Variants in UCKL1 observed in about 807,000 individuals in gnomAD.
UCKL1 encodes uridine-cytidine kinase-like 1.
In UCKL1, 65 loss-of-function variants were observed where a neutral mutation model predicts 59.2. The ratio of observed to expected loss-of-function variants is 1.10; its 90% CI spans 0.90 to 1.35. The LOEUF is 1.35. Ranked by LOEUF, UCKL1 falls within the 40% of genes most tolerant of loss-of-function variation. The pLI, the probability that UCKL1 is intolerant of heterozygous loss-of-function variation, is 0.00. For missense variants in UCKL1, 703 were observed against 784.3 expected, an observed-to-expected ratio of 0.90 and a Z score of 1.24; for synonymous variants, 410 against 323.1, an observed-to-expected ratio of 1.27 and a Z score of -2.88.
chr20:63,945,982 G>A lies in UCKL1; in HGVS notation c.412-7C>T, dbSNP rs768526576. ...GCTGCTGCTCAGTCAGCACCTGGTG[G>A]GGGAGGCTGTGGAGCAGCTGTGGGC... On this transcript the variant is annotated splice_region_variant and splice_polypyrimidine_tract_variant and intron_variant, in intron 3 of 14. Transcript: ENST00000354216. The A allele has an allele frequency of 3.1e-6, 5 of 1,613,586 alleles. No individual in the cohort carries two copies. In the Admixed American group the frequency reaches 8.3e-5, roughly 27 times the overall value.
At chr20:63,948,579 AT>A (rs1300463095) in intron 1 of UCKL1, 1 of 4,996 alleles carries the variant, frequency 2.0e-4, no homozygotes, top group Non-Finnish European at 5.1e-4. Flanking sequence ...GAGGGAGGGG[AT>A]GTGTGTGAGA....
chr20:63,941,241 G>A lies in UCKL1; in HGVS notation c.924-33C>T, dbSNP rs573045144. On this transcript the variant is annotated intron_variant, in intron 8 of 14. Coordinates refer to ENST00000354216, the MANE Select transcript of UCKL1 (RefSeq NM_017859.4). ...CAAACCGATGGGGAACACTCAAGAAGGGGGTCTTTTCCCAGAGCCCTCCCT... is the reference window on the plus strand; with the variant it reads ...CAAACCGATGGGGAACACTCAAGAAAGGGGTCTTTTCCCAGAGCCCTCCCT... 2.7e-6 allele frequency: 4 copies of A among 1,469,844 alleles called. No individual in the cohort carries two copies. The South Asian group carries it at 4.1e-5, about 15-fold the overall frequency. The allele number at this position is 1,469,844 out of a possible 1,614,324, so 91.1% of individuals were successfully genotyped here. A position where few individuals can be genotyped will look rare whatever the true frequency, so the allele number is the denominator to read the frequency against.
intron 1 of UCKL1, chr20:63,954,475 A>T (rs2058226442): frequency 6.6e-6 from 1 of 152,380 alleles, no homozygotes; most frequent in East Asian, 1.9e-4. Flanking sequence ...CCCTGGGGAC[A>T]GACCTCCACC....
At chr20:63,952,653 C>T (rs1021850653) in intron 1 of UCKL1, among the ~76,000 whole-genome samples, 4 of 152,244 alleles carry the variant, frequency 2.6e-5, no homozygotes, top group East Asian at 1.9e-4. Context: ...CTGGGGTAAG[C>T]GCTGCCCAGA....
intron 1 of UCKL1, chr20:63,951,031 G>A (rs781393969): frequency 1.7e-4 from 217 of 1,250,062 alleles, no homozygotes; most frequent in South Asian, 4.6e-4. Context: ...GTGCAGAGCC[G>A]GGTGGCTGGG....
chr20:63,944,287 G>A (rs1359294162), intron 7 of UCKL1, 110 bp downstream of exon 7: 13 of 1,089,996 alleles, frequency 1.2e-5, no homozygotes, highest in Non-Finnish European at 1.7e-5. Context: ...ACCTGGCAGG[G>A]GACAGTGAAC....
chr20:63,944,354 AG>A, intron 7 of UCKL1, 42 bp downstream of exon 7: 1 of 1,523,602 alleles, frequency 6.6e-7, no homozygotes, highest in Non-Finnish European at 8.8e-7. Flanking sequence ...AAGTGGGTAG[AG>A]GGGCTGGGGG....
chr20:63,944,352 A>G (rs2146478617), intron 7 of UCKL1, 45 bp downstream of exon 7: 1 of 1,520,456 alleles, frequency 6.6e-7, no homozygotes, highest in Non-Finnish European at 8.9e-7. Flanking sequence ...AGAAGTGGGT[A>G]GAGGGGCTGG....
In UCKL1 at chr20:63,939,936, C is replaced by T. The variant is rs532261542; in HGVS notation, c.*40G>A. The stretch of plus-strand genomic sequence containing the variant: ...TATTCAGCAGTCCTGGGTCAGGAGG[C>T]AGGAGGAGGGTGGTGGGGACGGGAT... On this transcript the variant is annotated 3_prime_UTR_variant, in exon 15 of 15. Coordinates refer to ENST00000354216, the MANE Select transcript of UCKL1 (RefSeq NM_017859.4). The T allele has an allele frequency of 1.3e-5, 20 of 1,570,766 alleles. No individual in the cohort carries two copies. In the South Asian group the frequency reaches 2.2e-4, roughly 17 times the overall value.
At chr20:63,950,987 A>C in intron 1 of UCKL1, 1 of 1,306,860 alleles carries the variant, frequency 7.7e-7, no homozygotes, top group Non-Finnish European at 9.7e-7. Context: ...TGGCCCTTCC[A>C]TGGGCAGGAC....
Position 63,940,580 on chromosome 20 carries a change from C to T in UCKL1, c.1302+14G>A, listed in dbSNP as rs2054104055. 4 of 1,606,634 alleles carry T rather than the reference C, an allele frequency of 2.5e-6. No individual in the cohort carries two copies. In the East Asian group the frequency reaches 8.9e-5, roughly 36 times the overall value. On this transcript the variant is annotated intron_variant, in intron 12 of 14. Transcript: ENST00000354216. ...CCTACCCCCGGGCTCATCACCCCGG[C>T]TGCCCCCAGGCACCTCGGGCTCCCC...
intron 1 of UCKL1, among the ~76,000 whole-genome samples, chr20:63,948,860 C>T (rs1466372188): frequency 6.6e-6 from 1 of 151,910 alleles, no homozygotes; most frequent in East Asian, 1.9e-4. Flanking sequence ...CGTAGTCTGT[C>T]TTTGAAGGTG....
At position 63,945,632 on chromosome 20, in the gene UCKL1, A is replaced by G; in HGVS notation, c.654+19T>C. 3 of 1,612,150 alleles carry G rather than the reference A, an allele frequency of 1.9e-6. No individual in the cohort carries two copies. The highest frequency in any genetic ancestry group is 2.5e-6 in the Non-Finnish European group (3 of 1,179,342). ...GGGCTGAGATACCAGCGGGGTGGGT[A>G]TTCCCGGCGGGTGCTTACCTCCAAC... On this transcript the variant is annotated intron_variant, in intron 5 of 14. Transcript: ENST00000354216.
rs1244795676 is a variant in UCKL1, at chr20:63,940,268, C to T, written c.1449G>A (p.Ser483=). 3.7e-6 allele frequency: 6 copies of T among 1,612,576 alleles called. No homozygotes were observed. The South Asian group carries it at 4.4e-5, about 12-fold the overall frequency. ...DVPEDKIFLL[S]LLMAEMGVHS... The stretch of plus-strand genomic sequence containing the variant: ...GCACGCCCATCTCTGCCATGAGCAG[C>T]GACAGCAAAAAGATCTTGTCCTCAG... The change falls in exon 14 of 15, where the codon TCG becomes TCA. Residue 483 remains serine (S), a synonymous_variant. Coordinates refer to ENST00000354216, the MANE Select transcript of UCKL1 (RefSeq NM_017859.4).
In UCKL1 at chr20:63,940,015, G is replaced by A. The variant is rs918332806; in HGVS notation, c.1608C>T (p.Pro536=). The A allele has an allele frequency of 6.2e-7, 1 of 1,609,968 alleles. No individual in the cohort carries two copies. Among genetic ancestry groups the A allele is most frequent in the Admixed American group, 1.7e-5 (1 of 59,866 alleles). ...GDRYFGTDAV[P]DGSDEEEVAY... is the part of the protein sequence containing the mutation. ...CCACTTCCTCCTCGTCACTGCCATCGGGGACCGCGTCTGTCCCAAAGTAGC... is the reference window on the plus strand; with the variant it reads ...CCACTTCCTCCTCGTCACTGCCATCAGGGACCGCGTCTGTCCCAAAGTAGC... Residue 536 remains proline (P), a synonymous_variant, in exon 15 of 15, where the codon CCC becomes CCT. Coordinates refer to ENST00000354216, the MANE Select transcript of UCKL1 (RefSeq NM_017859.4).
chr20:63,943,173 G>C (rs2055122633), intron 8 of UCKL1, among the ~76,000 whole-genome samples: 1 of 152,262 alleles, frequency 6.6e-6, no homozygotes, highest in African/African-American at 2.4e-5. Context: ...TGCGAGGACA[G>C]AGCTGGGGCA....
intron 7 of UCKL1, 46 bp from the exon 8 acceptor site, chr20:63,943,715 G>A: frequency 6.2e-7 from 1 of 1,611,860 alleles, no homozygotes; most frequent in South Asian, 1.1e-5. Flanking sequence ...TGGCGCGTCA[G>A]TGACCAGGGC....
intron 5 of UCKL1, 80 bp from the exon 6 acceptor site, chr20:63,944,814 G>A: frequency 6.5e-7 from 1 of 1,540,496 alleles, no homozygotes; most frequent in Non-Finnish European, 8.8e-7. Context: ...CTGCACTGAG[G>A]CCGCCTGGTC....
intron 1 of UCKL1, chr20:63,951,098 TAGG>T (rs1301381023): frequency 5.1e-6 from 6 of 1,171,168 alleles, no homozygotes; most frequent in Non-Finnish European, 6.3e-6. Context: ...GCACAGCAGC[TAGG>T]AGGCCCTTGA....
Sources: allele counts gnomAD v4.1 joint callset (sites outside exome capture counted in the v4.1 genomes callset), GRCh38; gene constraint gnomAD v4.1.1; transcripts MANE v1.5; gene names NCBI Gene and HGNC (gene_info 2026-07-23, HGNC 2026-07-21).